The following LRRC4B variants were observed in gnomAD, a reference collection of about 807,000 sequenced individuals.
LRRC4B encodes leucine-rich repeat-containing protein 4B.
In LRRC4B, 1 loss-of-function variant was observed where a neutral mutation model predicts 7.3. The observed-to-expected ratio is 0.14, with a 90% CI of 0.05 to 0.65. The LOEUF is 0.65. Among genes scored for constraint, LRRC4B ranks in the 30% least tolerant of loss-of-function variants. The pLI is 0.84. For synonymous variants in LRRC4B, 500 were observed against 499.2 expected (o/e 1.00, Z -0.02); for missense variants, 730 against 1,041.6 (o/e 0.70, Z 4.12).
chr19:50,533,843 C>T (rs1981155537), intron 2 of LRRC4B, among the ~76,000 whole-genome samples: 1 of 152,172 alleles, frequency 6.6e-6, no homozygotes, highest in Non-Finnish European at 1.5e-5. Context: ...AATGAAGGTT[C>T]AGAGAAGTAA....
chr19:50,565,316 C>A (rs932366459), intron 1 of LRRC4B, among the ~76,000 whole-genome samples: 2 of 152,242 alleles, frequency 1.3e-5, no homozygotes, highest in African/African-American at 2.4e-5. Context: ...CACAGGACCA[C>A]AAGGCAAGGG....
intron 1 of LRRC4B, chr19:50,550,868 A>T (rs17804526): frequency 0.86 from 131,353 of 152,190 alleles, 57,407 homozygotes; most frequent in African/African-American, 0.96. Context: ...ATCCTGGGTC[A>T]GGGGCTCCTA....
At chr19:50,567,344 C>T (rs1396876372) in intron 1 of LRRC4B, among the ~76,000 whole-genome samples, 1 of 151,746 alleles carries the variant, frequency 6.6e-6, no homozygotes, top group Non-Finnish European at 1.5e-5. Flanking sequence ...GGGCTGAAGA[C>T]TGGGGAGGGG....
intron 1 of LRRC4B, chr19:50,550,783 T>A (rs1982022190): frequency 6.6e-6 from 1 of 152,380 alleles, no homozygotes; most frequent in African/African-American, 2.4e-5. Context: ...GCCGTGTGTC[T>A]GTGTCTGACT....
At chr19:50,546,551 G>A (rs1039923272) in intron 2 of LRRC4B, among the ~76,000 whole-genome samples, 1 of 152,122 alleles carries the variant, frequency 6.6e-6, no homozygotes, top group Non-Finnish European at 1.5e-5. Context: ...TGGGGAGGAT[G>A]AGAAATAGAG....
chr19:50,542,565 C>T (rs1284266750), intron 2 of LRRC4B, among the ~76,000 whole-genome samples: 1 of 151,350 alleles, frequency 6.6e-6, no homozygotes, highest in East Asian at 1.9e-4. Flanking sequence ...CAGACTCCAC[C>T]TCCTGGGTTC....
chr19:50,534,439 G>A (rs1018385470), intron 2 of LRRC4B, among the ~76,000 whole-genome samples: 3 of 151,902 alleles, frequency 2.0e-5, no homozygotes, highest in Admixed American at 6.6e-5. Context: ...TTAGCCTGAC[G>A]AAGATGTTGA....
chr19:50,561,393 A>T (rs910500528), intron 1 of LRRC4B, among the ~76,000 whole-genome samples: 5 of 152,102 alleles, frequency 3.3e-5, no homozygotes, highest in African/African-American at 1.2e-4. Flanking sequence ...CATAAACAAG[A>T]TTGAGAACCT....
chr19:50,527,348 CTTTTTTTTT>C (rs59423387), intron 2 of LRRC4B, among the ~76,000 whole-genome samples: 8 of 124,522 alleles, frequency 6.4e-5, no homozygotes, highest in African/African-American at 2.1e-4. Context: ...TTTCTTTTTT[CTTTTTTTTT>C]TTTTTTTTTT....
At chr19:50,557,464 A>C (rs559739725) in intron 1 of LRRC4B, among the ~76,000 whole-genome samples, 2 of 152,272 alleles carry the variant, frequency 1.3e-5, no homozygotes, top group East Asian at 1.9e-4. Flanking sequence ...CTCTCTGATG[A>C]TGCTGCATGG....
In LRRC4B at chr19:50,517,721, G is replaced by C. The variant is rs750968788; in HGVS notation, c.1992C>G (p.His664Gln). 3 of 1,553,450 alleles carry C rather than the reference G, an allele frequency of 1.9e-6. No homozygotes were observed. The highest frequency in any genetic ancestry group is 4.7e-5 in the East Asian group (2 of 42,162). Reference protein sequence around the residue: ...ALERDHLNHHHYVAAAFKAHY... With the variant: ...ALERDHLNHHQYVAAAFKAHY... ...GCGCCTTGAAGGCGGCAGCCACGTA[G>C]TGGTGGTGGTTGAGGTGGTCTCGCT... Residue 664 changes from histidine to glutamine, a missense_variant, in exon 3 of 3, where the codon CAC (histidine) becomes CAG (glutamine). Transcript: ENST00000652263. This position sits in a 1 kb window ranked among gnomAD's most constrained non-coding sequence, Gnocchi z 6.6.
intron 1 of LRRC4B, among the ~76,000 whole-genome samples, chr19:50,558,593 C>T (rs1052236914): frequency 3.9e-5 from 6 of 152,232 alleles, no homozygotes; most frequent in African/African-American, 7.2e-5. Context: ...ATGTTCTCTC[C>T]GTGCTGTCCA....
Position 50,517,075 on chromosome 19 carries a change from G to C in LRRC4B, c.*496C>G, listed in dbSNP as rs1980294074. The C allele has an allele frequency of 6.6e-6, 1 of 152,058 alleles. No individual in the cohort carries two copies. Among genetic ancestry groups the C allele is most frequent in the African/African-American group, 2.4e-5 (1 of 41,392 alleles). 9.4% of individuals were successfully genotyped at this position (152,058 alleles called of 1,614,324 possible). ...ACAGGGACCGCCGGCCGGGAGCAGA[G>C]CCGGGCGCTGGGACGGGAGCTCTGG... On this transcript the variant is annotated 3_prime_UTR_variant, in exon 3 of 3. Coordinates refer to ENST00000652263, the MANE Select transcript of LRRC4B (RefSeq NM_001080457.2). This position sits in a 1 kb window ranked among gnomAD's most constrained non-coding sequence, Gnocchi z 6.6.
At chr19:50,550,966 G>C (rs988971172) in intron 1 of LRRC4B, 1 of 152,164 alleles carries the variant, frequency 6.6e-6, no homozygotes, top group Non-Finnish European at 1.5e-5. Flanking sequence ...GAGGCCGGGG[G>C]ACCCCGCAGG....
At chr19:50,529,675 C>T (rs1275464856) in intron 2 of LRRC4B, among the ~76,000 whole-genome samples, 1 of 152,104 alleles carries the variant, frequency 6.6e-6, no homozygotes, top group African/African-American at 2.4e-5. Flanking sequence ...CGTGATGATG[C>T]ACGCCTGTAA....
chr19:50,533,583 T>C lies in LRRC4B; in HGVS notation c.298-14168A>G, dbSNP rs1460749054. On this transcript the variant is annotated intron_variant, in intron 2 of 2. Transcript: ENST00000652263. ...ATACAAAGACCAAAGACTAGTTAAT[T>C]CTTCTCTTCTCCTCCCAAATAATGC... is the stretch of plus-strand genomic sequence containing the variant. Among the ~76,000 whole-genome samples, 2 of 152,242 alleles carry C rather than the reference T, an allele frequency of 1.3e-5. 1 individual carries two copies.
At chr19:50,566,791 G>A (rs897989424) in intron 1 of LRRC4B, among the ~76,000 whole-genome samples, 3 of 151,552 alleles carry the variant, frequency 2.0e-5, no homozygotes, top group African/African-American at 7.3e-5. Flanking sequence ...AGTACTATGG[G>A]GTGAGGAGAC....
chr19:50,548,037 C>T lies in LRRC4B; in HGVS notation c.297+505G>A, dbSNP rs1317411835. On this transcript the variant is annotated intron_variant, in intron 2 of 2. Coordinates refer to ENST00000652263, the MANE Select transcript of LRRC4B (RefSeq NM_001080457.2). The surrounding 1 kb of genome is among the most constrained non-coding windows in gnomAD (Gnocchi z 6.8). ...TGACCACTCGCCAGGTGCCAGCACA[C>T]AAGCTAACGCCCCAATAAGTACCAG... 6.6e-6 allele frequency among the ~76,000 whole-genome samples: 1 copy of T among 152,182 alleles called. No homozygotes were observed. The highest frequency in any genetic ancestry group is 2.4e-5 in the African/African-American group (1 of 41,446).
rs1214366614 is a variant in LRRC4B, at chr19:50,519,498, G to A, written c.298-83C>T. 2 of 1,454,254 alleles carry A rather than the reference G, an allele frequency of 1.4e-6. No individual in the cohort carries two copies. The highest frequency in any genetic ancestry group is 2.8e-5 in the South Asian group (2 of 70,562). The allele number at this position is 1,454,254 out of a possible 1,614,324, so 90.1% of individuals were successfully genotyped here. ...TCACCAAGGTCCCGGGCGCAGGTGG[G>A]GCCGTGTGGCTGGATCTCCCGTGCT... On this transcript the variant is annotated intron_variant, in intron 2 of 2. Coordinates refer to ENST00000652263, the MANE Select transcript of LRRC4B (RefSeq NM_001080457.2). This position sits in a 1 kb window ranked among gnomAD's most constrained non-coding sequence, Gnocchi z 8.1.
Sources: gnomAD v4.1 joint callset for allele counts (sites outside exome capture counted in the v4.1 genomes callset) on GRCh38, gnomAD v4.1.1 for gene constraint, Gnocchi (gnomAD v3.1) non-coding constraint, MANE v1.5 for transcripts, NCBI Gene and HGNC (gene_info 2026-07-23, HGNC 2026-07-21) for gene names.